Variants in IQCJ observed in about 807,000 individuals in gnomAD.
The protein encoded by IQCJ is IQ motif containing J.
IQCJ carries 9 observed loss-of-function variants against 11.0 expected under a neutral mutation model. The observed-to-expected ratio is 0.82, with a 90% CI of 0.49 to 1.43. IQCJ has a LOEUF of 1.43. Among genes scored for constraint, IQCJ ranks in the 40% most tolerant of loss-of-function variants. IQCJ has a pLI of 0.00. For missense variants in IQCJ, 146 were observed against 133.2 expected (o/e 1.10, Z -0.47); for synonymous variants, 55 against 51.3 (o/e 1.07, Z -0.31).
chr3:159,106,294 C>T (rs1718258430), intron 1 of IQCJ, among the ~76,000 whole-genome samples: 1 of 152,066 alleles, frequency 6.6e-6, no homozygotes, highest in Admixed American at 6.6e-5. Flanking sequence ...AGAATAATAG[C>T]CCAGGGCTCA....
At chr3:159,233,884 A>C (rs1726419544) in intron 1 of IQCJ, among the ~76,000 whole-genome samples, 1 of 152,198 alleles carries the variant, frequency 6.6e-6, no homozygotes, top group African/African-American at 2.4e-5. Context: ...ATCATCTTAC[A>C]CATGATGAAA....
At chr3:159,072,287 A>G (rs1039403480) in intron 1 of IQCJ, among the ~76,000 whole-genome samples, 2 of 152,100 alleles carry the variant, frequency 1.3e-5, no homozygotes, top group Admixed American at 1.3e-4. Flanking sequence ...GCTGGTCAAG[A>G]AAGACTCTCT....
chr3:159,256,259 G>T (rs1727890178), intron 3 of IQCJ, among the ~76,000 whole-genome samples: 1 of 152,086 alleles, frequency 6.6e-6, no homozygotes, highest in African/African-American at 2.4e-5. Context: ...TTGAAAGTCA[G>T]CTCAATAAAT....
At chr3:159,101,522 C>A (rs972589895) in intron 1 of IQCJ, among the ~76,000 whole-genome samples, 7 of 152,178 alleles carry the variant, frequency 4.6e-5, no homozygotes, top group African/African-American at 1.7e-4. Flanking sequence ...ACTCAGTGGA[C>A]ATCAACTATC....
intron 3 of IQCJ, among the ~76,000 whole-genome samples, chr3:159,253,753 G>A (rs1727737524): frequency 6.6e-6 from 1 of 152,162 alleles, no homozygotes; most frequent in Admixed American, 6.5e-5. Flanking sequence ...GAATCTTTTA[G>A]AAAAGAAATC....
chr3:159,182,468 C>G (rs1163348535), intron 1 of IQCJ, among the ~76,000 whole-genome samples: 1 of 152,006 alleles, frequency 6.6e-6, no homozygotes, highest in African/African-American at 2.4e-5. Flanking sequence ...AAGCCGCAGA[C>G]AAAACTCCTC....
rs1482076877 is a variant in IQCJ, at chr3:159,091,668, A to G, written c.9+22227A>G. On this transcript the variant is annotated intron_variant, in intron 1 of 3. Coordinates refer to ENST00000397832, the MANE Select transcript of IQCJ (RefSeq NM_001042706.3). ...TATTTACACACACACACACACACACACGCATGCACACACACACACACACAC... is the reference window on the plus strand; with the variant it reads ...TATTTACACACACACACACACACACGCGCATGCACACACACACACACACAC... Among the ~76,000 whole-genome samples the G allele has an allele frequency of 4.3e-3, 150 of 34,696 alleles. 5 individuals carry two copies. Among genetic ancestry groups the G allele is most frequent in the Middle Eastern group, 0.012 (1 of 82 alleles). The allele number at this position is 34,696 out of a possible 152,430, so 22.8% of individuals were successfully genotyped here.
At chr3:159,076,592 C>A (rs1341839438) in intron 1 of IQCJ, among the ~76,000 whole-genome samples, 1 of 152,100 alleles carries the variant, frequency 6.6e-6, no homozygotes, top group Non-Finnish European at 1.5e-5. Context: ...ATCAGACATG[C>A]CCCAGTGCAC....
At position 159,069,437 on chromosome 3, in the gene IQCJ, G is replaced by A. The variant is rs568673177; in HGVS notation, c.5G>A (p.Arg2His). 2.3e-5 allele frequency: 37 copies of A among 1,608,540 alleles called. No individual in the cohort carries two copies. The highest frequency in any genetic ancestry group is 1.6e-4 in the East Asian group (7 of 44,776). The change falls in exon 1 of 4, where the codon CGT becomes CAT. Residue 2 changes from arginine to histidine, a missense_variant. Transcript: ENST00000397832. Reference protein sequence around the residue: MRLEELKRLQNP... With the variant: MHLEELKRLQNP... ...AGGTGTTCCAGAAACTTCAAAATGCGTCTGGTAATGTATTTGCTTTTCTAA... is the reference window on the plus strand; with the variant it reads ...AGGTGTTCCAGAAACTTCAAAATGCATCTGGTAATGTATTTGCTTTTCTAA...
intron 1 of IQCJ, among the ~76,000 whole-genome samples, chr3:159,131,610 T>C (rs897448672): frequency 6.6e-6 from 1 of 152,116 alleles, no homozygotes; most frequent in African/African-American, 2.4e-5. Flanking sequence ...TCCTGGAGGT[T>C]GATAACAGCT....
At chr3:159,107,161 T>G (rs1718317231) in intron 1 of IQCJ, among the ~76,000 whole-genome samples, 2 of 152,034 alleles carry the variant, frequency 1.3e-5, no homozygotes, top group Admixed American at 1.3e-4. Context: ...TACCCCAAAC[T>G]TCATAAGTTA....
chr3:159,080,726 A>G (rs1043068845), intron 1 of IQCJ, among the ~76,000 whole-genome samples: 1 of 152,168 alleles, frequency 6.6e-6, no homozygotes, highest in African/African-American at 2.4e-5. Flanking sequence ...ACAGAAATTC[A>G]GTCAAATAAA....
rs558127282 is a variant in IQCJ, at chr3:159,129,018, C to T, written c.9+59577C>T. On this transcript the variant is annotated intron_variant, in intron 1 of 3. Transcript: ENST00000397832. Reference sequence around the variant, plus strand: ...TTATCCACTGCTAAAAACAACCACGCATACCAACTCATCACACGTTCAACA... The same window carrying T: ...TTATCCACTGCTAAAAACAACCACGTATACCAACTCATCACACGTTCAACA... Among the ~76,000 whole-genome samples the T allele has an allele frequency of 2.0e-5, 3 of 152,236 alleles. No individual in the cohort carries two copies. The South Asian group carries it at 6.2e-4, about 32-fold the overall frequency.
At chr3:159,141,160 A>G (rs931337777) in intron 1 of IQCJ, among the ~76,000 whole-genome samples, 4 of 152,212 alleles carry the variant, frequency 2.6e-5, no homozygotes, top group African/African-American at 9.6e-5. Context: ...TCCTTGAGAA[A>G]TTGTATTGGA....
intron 1 of IQCJ, among the ~76,000 whole-genome samples, chr3:159,166,085 AAATCCTAAC>A (rs1215238697): frequency 6.6e-6 from 1 of 152,040 alleles, no homozygotes; most frequent in Non-Finnish European, 1.5e-5. Flanking sequence ...CAGCAGGTGG[AAATCCTAAC>A]AGATTCATGC....
chr3:159,259,428 T>A (rs1323596372), intron 3 of IQCJ, among the ~76,000 whole-genome samples: 1 of 151,914 alleles, frequency 6.6e-6, no homozygotes, highest in Non-Finnish European at 1.5e-5. Context: ...AAAAAAAAAA[T>A]GTCAAGGTAG....
chr3:159,130,855 T>C (rs537235016), intron 1 of IQCJ, among the ~76,000 whole-genome samples: 4 of 152,178 alleles, frequency 2.6e-5, no homozygotes, highest in African/African-American at 4.8e-5. Flanking sequence ...AAATATAGTT[T>C]TTTTGTTTGT....
At chr3:159,162,190 A>C (rs530804138) in intron 1 of IQCJ, among the ~76,000 whole-genome samples, 34 of 152,086 alleles carry the variant, frequency 2.2e-4, no homozygotes, top group African/African-American at 5.8e-4. Flanking sequence ...ATTTGTTTGT[A>C]TCCTCTTTTA....
chr3:159,239,526 C>T (rs1488749093), intron 1 of IQCJ, among the ~76,000 whole-genome samples: 1 of 152,010 alleles, frequency 6.6e-6, no homozygotes. Context: ...CCAGGACTGG[C>T]AGTAGCTCCA....
Sources: gnomAD v4.1 joint callset for allele counts (sites outside exome capture counted in the v4.1 genomes callset) on GRCh38, gnomAD v4.1.1 for gene constraint, MANE v1.5 for transcripts, NCBI Gene and HGNC (gene_info 2026-07-23, HGNC 2026-07-21) for gene names.